Variants in NRG3 observed in about 807,000 individuals in gnomAD.
The protein encoded by NRG3 is neuregulin 3.
In NRG3, 31 loss-of-function variants were observed where a neutral mutation model predicts 66.9. The ratio of observed to expected loss-of-function variants is 0.46; its 90% confidence interval spans 0.35 to 0.63. The LOEUF (loss-of-function observed/expected upper bound fraction) is 0.63, where lower values mean the gene tolerates loss of function less well. Among genes scored for constraint, NRG3 ranks in the 20% least tolerant of loss-of-function variants. The probability of loss-of-function intolerance (pLI) is 0.00; values close to 1 mark genes in which losing one functional copy is unlikely to be tolerated. For missense variants in NRG3, 910 were observed against 878.9 expected (o/e 1.04, Z -0.45); for synonymous variants, 393 against 359.4 (o/e 1.09, Z -1.06).
intron 2 of NRG3, among the ~76,000 whole-genome samples, chr10:82,702,435 C>T (rs10082379): frequency 0.22 from 33,457 of 152,054 alleles, 3,834 homozygotes; most frequent in Middle Eastern, 0.35. Flanking sequence ...ACTAGTATTT[C>T]CCACCAAAAC....
intron 1 of NRG3, among the ~76,000 whole-genome samples, chr10:82,062,971 A>G (rs2064243367): frequency 6.6e-6 from 1 of 152,136 alleles, no homozygotes; most frequent in Non-Finnish European, 1.5e-5. Context: ...CTAAGCAGCC[A>G]TTATCTGCCG....
At chr10:82,953,766 T>G (rs1423398997) in intron 5 of NRG3, among the ~76,000 whole-genome samples, 1 of 151,800 alleles carries the variant, frequency 6.6e-6, no homozygotes, top group Non-Finnish European at 1.5e-5. Flanking sequence ...GAGACCAGCC[T>G]GGCCAACATG....
chr10:82,508,129 A>G (rs369255962), intron 2 of NRG3, among the ~76,000 whole-genome samples: 6 of 152,210 alleles, frequency 3.9e-5, no homozygotes, highest in African/African-American at 1.4e-4. Flanking sequence ...AGAAATCAAT[A>G]TTTCTCTAAG....
At chr10:82,683,218 G>A (rs2054251064) in intron 2 of NRG3, among the ~76,000 whole-genome samples, 1 of 152,000 alleles carries the variant, frequency 6.6e-6, no homozygotes, top group African/African-American at 2.4e-5. Context: ...GCCTCCCAAA[G>A]TGCTGGGATT....
chr10:82,481,116 T>A (rs1284796004), intron 2 of NRG3, among the ~76,000 whole-genome samples: 5 of 152,234 alleles, frequency 3.3e-5, no homozygotes, highest in Admixed American at 6.5e-5. Context: ...TCTCATGCCT[T>A]CCATTTCTTG....
intron 2 of NRG3, among the ~76,000 whole-genome samples, chr10:82,580,875 A>T (rs930297970): frequency 6.7e-6 from 1 of 149,672 alleles, no homozygotes; most frequent in Non-Finnish European, 1.5e-5. Context: ...AAGCTGTTAG[A>T]AACATTTGTA....
At chr10:82,421,293 C>T (rs991917865) in intron 2 of NRG3, among the ~76,000 whole-genome samples, 15 of 152,016 alleles carry the variant, frequency 9.9e-5, no homozygotes, top group African/African-American at 3.6e-4. Context: ...TTGTATGACA[C>T]ATGCAGAATT....
Position 82,237,193 on chromosome 10 carries a change from A to G in NRG3, c.824-121546A>G, listed in dbSNP as rs2076796054. Among the ~76,000 whole-genome samples the G allele has an allele frequency of 1.3e-5, 2 of 152,200 alleles. 1 individual carries two copies. Among genetic ancestry groups the G allele is most frequent in the Admixed American group, 1.3e-4 (2 of 15,286 alleles). ...GTTTGTTCACAGTATACCAGGCTCC[A>G]GGTCCCATGAACTGATGTCAGTAGC... On this transcript the variant is annotated intron_variant, in intron 1 of 8. Transcript: ENST00000372141.
chr10:82,761,641 A>G (rs1402392463), intron 3 of NRG3, among the ~76,000 whole-genome samples: 1 of 152,014 alleles, frequency 6.6e-6, no homozygotes, highest in Non-Finnish European at 1.5e-5. Flanking sequence ...AAGGAAAATC[A>G]AAAGTCAATG....
intron 1 of NRG3, among the ~76,000 whole-genome samples, chr10:82,330,951 T>C (rs1325330943): frequency 1.3e-5 from 2 of 152,202 alleles, no homozygotes; most frequent in Non-Finnish European, 2.9e-5. Flanking sequence ...TATTGAGCTT[T>C]TCTCTGCTGC....
At chr10:82,411,854 T>C (rs1418743510) in intron 2 of NRG3, among the ~76,000 whole-genome samples, 1 of 152,048 alleles carries the variant, frequency 6.6e-6, no homozygotes, top group Non-Finnish European at 1.5e-5. Flanking sequence ...AGGTTTTAGG[T>C]AACAGAGGCC....
intron 1 of NRG3, among the ~76,000 whole-genome samples, chr10:81,975,772 G>A (rs9971329): frequency 0.46 from 69,516 of 151,964 alleles, 20,117 homozygotes; most frequent in African/African-American, 0.78. Context: ...GATTTCACAT[G>A]TATTTAAGGT....
chr10:82,923,060 C>T (rs1007981203), intron 4 of NRG3, among the ~76,000 whole-genome samples: 2 of 152,166 alleles, frequency 1.3e-5, no homozygotes, highest in African/African-American at 4.8e-5. Context: ...CTAATATTGA[C>T]CAAAGGTCAT....
At chr10:82,951,708 A>C in intron 5 of NRG3, 137 bp downstream of exon 5, 1 of 682,064 alleles carries the variant, frequency 1.5e-6, no homozygotes, top group Admixed American at 2.6e-5. Context: ...GTGACTTAGG[A>C]CATTTTTGTA....
chr10:81,877,988 G>A, intron 1 of NRG3: 1 of 1,537,530 alleles, frequency 6.5e-7, no homozygotes, highest in Non-Finnish European at 8.7e-7. Context: ...TCCAACCCTT[G>A]TATGCGTTGG....
chr10:82,028,888 G>T (rs777485211), intron 1 of NRG3, among the ~76,000 whole-genome samples: 12 of 152,042 alleles, frequency 7.9e-5, no homozygotes, highest in Non-Finnish European at 1.5e-4. Context: ...GCACGGTTTG[G>T]TGCGATGTTG....
intron 2 of NRG3, among the ~76,000 whole-genome samples, chr10:82,515,829 A>G (rs746165819): frequency 2.0e-5 from 3 of 152,170 alleles, no homozygotes; most frequent in Admixed American, 1.3e-4. Context: ...TTCAGGGCCA[A>G]CTGTGCACCT....
intron 4 of NRG3, among the ~76,000 whole-genome samples, chr10:82,932,725 T>A (rs1160953254): frequency 6.6e-6 from 1 of 152,116 alleles, no homozygotes; most frequent in Non-Finnish European, 1.5e-5. Context: ...ACTGAACAAA[T>A]CACATTCTCT....
At chr10:81,926,530 A>T (rs962365033) in intron 1 of NRG3, among the ~76,000 whole-genome samples, 1 of 151,170 alleles carries the variant, frequency 6.6e-6, no homozygotes, top group African/African-American at 2.4e-5. Context: ...TTTAATTTTT[A>T]TTTTTTTTTA....
Sources: gnomAD v4.1 joint callset for allele counts (sites outside exome capture counted in the v4.1 genomes callset) on GRCh38, gnomAD v4.1.1 for gene constraint, MANE v1.5 for transcripts, NCBI Gene and HGNC (gene_info 2026-07-23, HGNC 2026-07-21) for gene names.